Variants in AGBL4 observed in about 807,000 individuals in gnomAD.
The protein encoded by AGBL4 is AGBL carboxypeptidase 4.
AGBL4 carries 58 observed loss-of-function variants against 66.4 expected under a neutral mutation model. The ratio of observed to expected loss-of-function variants is 0.87; its 90% CI spans 0.71 to 1.09. The LOEUF is 1.09. Among genes scored for constraint, AGBL4 ranks in the 50% least tolerant of loss-of-function variants. The pLI is 0.00. For synonymous variants in AGBL4, 234 were observed against 222.9 expected (o/e 1.05, Z -0.44); for missense variants, 579 against 631.0 (o/e 0.92, Z 0.88).
chr1:49,647,416 A>G (rs370905466), intron 3 of AGBL4, among the ~76,000 whole-genome samples: 1 of 152,150 alleles, frequency 6.6e-6, no homozygotes, highest in Non-Finnish European at 1.5e-5. Context: ...AAACCTCCAC[A>G]GGAACCAGTG....
chr1:49,474,912 T>A (rs775560068), intron 3 of AGBL4, among the ~76,000 whole-genome samples: 1 of 152,072 alleles, frequency 6.6e-6, no homozygotes, highest in Non-Finnish European at 1.5e-5. Context: ...TCTTTTCCTA[T>A]GTAGATGCCT....
At chr1:49,290,380 C>T (rs1439580711) in intron 3 of AGBL4, among the ~76,000 whole-genome samples, 5 of 152,094 alleles carry the variant, frequency 3.3e-5, no homozygotes, top group Admixed American at 1.3e-4. Context: ...GGAGACCAAA[C>T]AAAATCACTG....
intron 4 of AGBL4, among the ~76,000 whole-genome samples, chr1:49,145,955 C>T (rs183615670): frequency 6.6e-5 from 10 of 152,208 alleles, no homozygotes; most frequent in Non-Finnish European, 1.3e-4. Context: ...TCATTTGCAA[C>T]GACATGGATG....
At chr1:49,173,278 C>T (rs946620824) in intron 4 of AGBL4, among the ~76,000 whole-genome samples, 2 of 152,150 alleles carry the variant, frequency 1.3e-5, no homozygotes, top group African/African-American at 2.4e-5. Context: ...GTTCATTTAA[C>T]TCAAAAAATA....
intron 3 of AGBL4, among the ~76,000 whole-genome samples, chr1:49,693,025 G>A (rs187744956): frequency 1.1e-4 from 16 of 152,226 alleles, no homozygotes; most frequent in African/African-American, 3.6e-4. Context: ...ATGACTAGAG[G>A]CCTGAGACAT....
chr1:48,814,929 G>C (rs951890339), intron 6 of AGBL4, among the ~76,000 whole-genome samples: 1 of 152,164 alleles, frequency 6.6e-6, no homozygotes, highest in Non-Finnish European at 1.5e-5. Flanking sequence ...TAGTGGGATT[G>C]CTGGATCATG....
At position 49,909,580 on chromosome 1, in the gene AGBL4, G is replaced by A. The variant is rs139749215; in HGVS notation, c.35-58062C>T. On this transcript the variant is annotated intron_variant, in intron 1 of 13. Transcript: ENST00000371839. Reference sequence around the variant, plus strand: ...GAGTTAGCAATGAAGACAGAAGTGGGTATTGGAGAGGTAGGGGATCATGAA... The same window carrying A: ...GAGTTAGCAATGAAGACAGAAGTGGATATTGGAGAGGTAGGGGATCATGAA... Among the ~76,000 whole-genome samples, 73 of 152,260 alleles carry A rather than the reference G, an allele frequency of 4.8e-4. No individual in the cohort carries two copies. The South Asian group carries it at 5.0e-3, about 10-fold the overall frequency.
intron 6 of AGBL4, among the ~76,000 whole-genome samples, chr1:48,696,080 G>A (rs1458147118): frequency 6.6e-6 from 1 of 152,178 alleles, no homozygotes; most frequent in Non-Finnish European, 1.5e-5. Flanking sequence ...GCCCCACAGA[G>A]CCAGGGTGCT....
chr1:49,334,338 A>C (rs891705572), intron 3 of AGBL4, among the ~76,000 whole-genome samples: 14 of 152,172 alleles, frequency 9.2e-5, no homozygotes, highest in African/African-American at 3.4e-4. Flanking sequence ...CTCTTTTCTG[A>C]AACTAAAAAT....
intron 2 of AGBL4, among the ~76,000 whole-genome samples, chr1:49,770,203 T>C (rs1349574413): frequency 2.6e-5 from 4 of 152,190 alleles, no homozygotes; most frequent in Admixed American, 2.0e-4. Context: ...ATACCTTCTA[T>C]ACCTAATTTG....
intron 5 of AGBL4, among the ~76,000 whole-genome samples, chr1:48,920,461 G>A (rs776642376): frequency 1.3e-5 from 2 of 152,036 alleles, no homozygotes; most frequent in Non-Finnish European, 2.9e-5. Context: ...GGGAGTTTAC[G>A]CTCCTATCCA....
At chr1:49,436,423 C>G (rs1645905245) in intron 3 of AGBL4, among the ~76,000 whole-genome samples, 1 of 151,988 alleles carries the variant, frequency 6.6e-6, no homozygotes, top group East Asian at 1.9e-4. Context: ...GAAAACAATG[C>G]TACAAAATAA....
chr1:49,057,111 GC>G (rs1223613549), intron 4 of AGBL4, among the ~76,000 whole-genome samples: 3 of 152,176 alleles, frequency 2.0e-5, no homozygotes, highest in East Asian at 3.9e-4. Flanking sequence ...CCTTTTCAAA[GC>G]TTAATTGGGC....
chr1:49,397,023 A>G (rs2148603854), intron 3 of AGBL4, among the ~76,000 whole-genome samples: 2 of 152,288 alleles, frequency 1.3e-5, no homozygotes, highest in African/African-American at 2.4e-5. Context: ...TCGCATGCAC[A>G]GTTCACAATG....
At chr1:48,673,128 A>T (rs112008481) in intron 6 of AGBL4, among the ~76,000 whole-genome samples, 152 of 152,288 alleles carry the variant, frequency 1.0e-3, no homozygotes, top group African/African-American at 3.1e-3. Context: ...AAGAGATGTT[A>T]TTCTGTTTGT....
At chr1:48,811,760 T>C (rs1224525941) in intron 6 of AGBL4, among the ~76,000 whole-genome samples, 1 of 152,126 alleles carries the variant, frequency 6.6e-6, no homozygotes, top group Non-Finnish European at 1.5e-5. Flanking sequence ...TTTGGGTGCA[T>C]ATCTAGGAAG....
Position 48,850,539 on chromosome 1 carries a change from T to A in AGBL4, c.634+16652A>T, listed in dbSNP as rs547214773. ...ATTTTTTTGTTTGGTTTTGTTTTTG[T>A]TTTTAGCCTAGGTCTCACTCTGTCA... is the stretch of plus-strand genomic sequence containing the variant. On this transcript the variant is annotated intron_variant, in intron 6 of 13. Coordinates refer to ENST00000371839, the MANE Select transcript of AGBL4 (RefSeq NM_032785.4). Among the ~76,000 whole-genome samples, 4 of 152,322 alleles carry A rather than the reference T, an allele frequency of 2.6e-5. No homozygotes were observed. In the South Asian group the frequency reaches 8.3e-4, roughly 32 times the overall value.
chr1:49,104,537 T>G (rs1252703680), intron 4 of AGBL4, among the ~76,000 whole-genome samples: 1 of 152,160 alleles, frequency 6.6e-6, no homozygotes, highest in East Asian at 1.9e-4. Flanking sequence ...CATTTTACCA[T>G]GGAAGAAGGG....
At chr1:49,950,020 A>G (rs1655949331) in intron 1 of AGBL4, among the ~76,000 whole-genome samples, 1 of 138,318 alleles carries the variant, frequency 7.2e-6, no homozygotes. Flanking sequence ...ACACACACAT[A>G]TGTGTGTGTG....
Sources: allele counts gnomAD v4.1 joint callset (sites outside exome capture counted in the v4.1 genomes callset), GRCh38; gene constraint gnomAD v4.1.1; transcripts MANE v1.5; gene names NCBI Gene and HGNC (gene_info 2026-07-23, HGNC 2026-07-21).